Variants in FARS2 observed in about 807,000 individuals in gnomAD.
FARS2 encodes phenylalanine--tRNA ligase, mitochondrial.
In FARS2, 40 loss-of-function variants were observed where a neutral mutation model predicts 46.4. That is an observed-to-expected ratio of 0.86 (90% CI 0.67 to 1.12). FARS2 has a LOEUF of 1.12. Ranked by LOEUF, FARS2 falls within the 50% of genes most tolerant of loss-of-function variation. The pLI, the probability that FARS2 is intolerant of heterozygous loss-of-function variation, is 0.00. For synonymous variants in FARS2, 234 were observed against 214.9 expected (o/e 1.09, Z -0.78); for missense variants, 513 against 567.9 (o/e 0.90, Z 0.98).
chr6:5,639,587 G>A (rs1366722407), intron 6 of FARS2, among the ~76,000 whole-genome samples: 1 of 152,212 alleles, frequency 6.6e-6, no homozygotes, highest in African/African-American at 2.4e-5. Flanking sequence ...AAACTCTGGT[G>A]CCTGGGAAAG....
chr6:5,582,609 A>T (rs1252743608), intron 5 of FARS2, among the ~76,000 whole-genome samples: 3 of 152,234 alleles, frequency 2.0e-5, no homozygotes, highest in Non-Finnish European at 4.4e-5. Flanking sequence ...TAAAAATTTC[A>T]TGTAGTTCAT....
intron 5 of FARS2, among the ~76,000 whole-genome samples, chr6:5,563,403 G>A (rs557329593): frequency 9.9e-5 from 15 of 152,282 alleles, no homozygotes; most frequent in African/African-American, 3.1e-4. Flanking sequence ...TCTAATGGAC[G>A]TTATTTGCAT....
chr6:5,445,927 C>T (rs769984249), intron 4 of FARS2, among the ~76,000 whole-genome samples: 10 of 152,098 alleles, frequency 6.6e-5, no homozygotes, highest in African/African-American at 2.4e-4. Context: ...TGGCCAGGTG[C>T]GGTGGCTCAC....
intron 1 of FARS2, among the ~76,000 whole-genome samples, chr6:5,352,058 G>A (rs1464216616): frequency 1.3e-5 from 2 of 151,852 alleles, no homozygotes; most frequent in African/African-American, 4.8e-5. Flanking sequence ...TAGGCAGCCT[G>A]TGGCCCAGGA....
intron 4 of FARS2, among the ~76,000 whole-genome samples, chr6:5,463,230 T>C (rs1765342910): frequency 6.6e-6 from 1 of 152,234 alleles, no homozygotes; most frequent in Non-Finnish European, 1.5e-5. Flanking sequence ...ATATTGTGAA[T>C]GGGATTGCTT....
chr6:5,565,189 A>T (rs1418198005), intron 5 of FARS2, among the ~76,000 whole-genome samples: 1 of 152,238 alleles, frequency 6.6e-6, no homozygotes, highest in East Asian at 1.9e-4. Context: ...CTCAATTATT[A>T]AAGGCCATAA....
intron 4 of FARS2, among the ~76,000 whole-genome samples, chr6:5,463,023 A>T (rs2472864): frequency 0.23 from 34,571 of 152,018 alleles, 4,143 homozygotes; most frequent in South Asian, 0.31. Context: ...CAGCTATTCA[A>T]CTCGGCTATT....
intron 4 of FARS2, among the ~76,000 whole-genome samples, chr6:5,513,516 A>G (rs114540899): frequency 1.4e-3 from 206 of 152,318 alleles, no homozygotes; most frequent in African/African-American, 4.7e-3. Flanking sequence ...GGGAAAATAG[A>G]GAAGTTTGCA....
At chr6:5,682,655 C>T (rs894600627) in intron 6 of FARS2, among the ~76,000 whole-genome samples, 1 of 152,190 alleles carries the variant, frequency 6.6e-6, no homozygotes, top group East Asian at 1.9e-4. Flanking sequence ...TCAATAGGTA[C>T]GGAGCCCTGC....
At chr6:5,668,694 T>G (rs1387594505) in intron 6 of FARS2, among the ~76,000 whole-genome samples, 7 of 142,676 alleles carry the variant, frequency 4.9e-5, no homozygotes, top group South Asian at 2.3e-4. Context: ...GGGTTTTTTT[T>G]TTTTTTTTTT....
intron 3 of FARS2, among the ~76,000 whole-genome samples, chr6:5,424,369 A>G (rs1275594470): frequency 6.6e-6 from 1 of 152,224 alleles, no homozygotes; most frequent in Non-Finnish European, 1.5e-5. Flanking sequence ...TTTCAGTAGC[A>G]CAACACTGAA....
intron 6 of FARS2, among the ~76,000 whole-genome samples, chr6:5,693,507 G>C (rs1237745242): frequency 1.3e-5 from 2 of 152,162 alleles, no homozygotes; most frequent in African/African-American, 4.8e-5. Context: ...CTGCTTTGGG[G>C]AATCATTTAT....
At chr6:5,509,710 A>C (rs1313762758) in intron 4 of FARS2, among the ~76,000 whole-genome samples, 2 of 152,178 alleles carry the variant, frequency 1.3e-5, no homozygotes, top group Admixed American at 6.5e-5. Context: ...GGAAAGACTG[A>C]GCGTGGGGAC....
intron 5 of FARS2, among the ~76,000 whole-genome samples, chr6:5,567,450 G>A (rs1214762668): frequency 6.6e-6 from 1 of 152,186 alleles, no homozygotes; most frequent in African/African-American, 2.4e-5. Context: ...TGCCAGTACA[G>A]ATTACATTGT....
chr6:5,579,446 G>A (rs1773197664), intron 5 of FARS2, among the ~76,000 whole-genome samples: 1 of 151,994 alleles, frequency 6.6e-6, no homozygotes, highest in South Asian at 2.1e-4. Flanking sequence ...GCTAATTTTT[G>A]TATTTTTAGT....
At chr6:5,457,809 A>G (rs193165470) in intron 4 of FARS2, 2 of 152,366 alleles carry the variant, frequency 1.3e-5, no homozygotes, top group East Asian at 3.9e-4. Flanking sequence ...AACCAAGGCT[A>G]TAAATCCAGG....
intron 6 of FARS2, among the ~76,000 whole-genome samples, chr6:5,701,085 C>T (rs530092932): frequency 7.0e-4 from 106 of 152,220 alleles, no homozygotes; most frequent in Non-Finnish European, 1.1e-3. Context: ...TGCAAAGGGT[C>T]CAGAAGGATC....
intron 5 of FARS2, among the ~76,000 whole-genome samples, chr6:5,600,256 C>T (rs1774434197): frequency 6.6e-6 from 1 of 152,008 alleles, no homozygotes; most frequent in South Asian, 2.1e-4. Context: ...GAAATTCTGT[C>T]AAAAGTTAGG....
intron 4 of FARS2, among the ~76,000 whole-genome samples, chr6:5,439,869 T>G (rs1763743917): frequency 6.6e-6 from 1 of 152,222 alleles, no homozygotes; most frequent in African/African-American, 2.4e-5. Flanking sequence ...TTTCACCTTC[T>G]TAACTTTCCT....
Sources: gnomAD v4.1 joint callset for allele counts (sites outside exome capture counted in the v4.1 genomes callset) on GRCh38, gnomAD v4.1.1 for gene constraint, MANE v1.5 for transcripts, NCBI Gene and HGNC (gene_info 2026-07-23, HGNC 2026-07-21) for gene names.